UBE3C: variants seen among roughly 807,000 people sequenced by gnomAD.
The protein encoded by UBE3C is ubiquitin-protein ligase E3C.
UBE3C carries 42 observed loss-of-function variants against 129.4 expected under a neutral mutation model. That is an observed-to-expected ratio of 0.32 (90% CI 0.25 to 0.42). The LOEUF (loss-of-function observed/expected upper bound fraction) is 0.42. Among genes scored for constraint, UBE3C ranks in the 10% least tolerant of loss-of-function variants. The probability of loss-of-function intolerance (pLI) is 1.00; values close to 1 mark genes in which losing one functional copy is unlikely to be tolerated. For synonymous variants in UBE3C, 510 were observed against 492.4 expected (o/e 1.04, Z -0.47); for missense variants, 1,049 against 1,319.1 (o/e 0.80, Z 3.17).
Position 157,139,012 on chromosome 7 carries a change from C to G in UBE3C, c.-261C>G, listed in dbSNP as rs1285985331. On this transcript the variant is annotated 5_prime_UTR_variant, in exon 1 of 23. Coordinates refer to ENST00000348165, the MANE Select transcript of UBE3C (RefSeq NM_014671.3). ...CGGGTTTGCTGCCCGCTGGGCGCCCCTGCAGCGGCCCGAGCTGTGGCCGGC... is the reference window on the plus strand; with the variant it reads ...CGGGTTTGCTGCCCGCTGGGCGCCCGTGCAGCGGCCCGAGCTGTGGCCGGC... The G allele has an allele frequency of 1.3e-5, 2 of 153,960 alleles. No individual in the cohort carries two copies. Among genetic ancestry groups the G allele is most frequent in the East Asian group, 3.8e-4 (2 of 5,222 alleles). 9.5% of individuals were successfully genotyped at this position (153,960 alleles called of 1,614,324 possible). A position where few individuals can be genotyped will look rare whatever the true frequency, so the allele number is the denominator to read the frequency against.
rs371300314 is a variant in UBE3C at position 157,262,409 on chromosome 7, C to CTTTTTTTTT, written c.3082-5157_3082-5149dup. On this transcript the variant is annotated intron_variant, in intron 22 of 22. Coordinates refer to ENST00000348165, the MANE Select transcript of UBE3C (RefSeq NM_014671.3). ...AGAATCATGTAAGTCTCTTCATAGG[C>CTTTTTTTTT]TTTTTTTTTTTTTTTTTTTTTTTTT... Among the ~76,000 whole-genome samples, 151 of 54,036 alleles carry CTTTTTTTTT rather than the reference C, an allele frequency of 2.8e-3. 51 individuals are homozygous for CTTTTTTTTT. Among genetic ancestry groups the CTTTTTTTTT allele is most frequent in the African/African-American group, 7.6e-3 (102 of 13,438 alleles). The allele number at this position is 54,036 out of a possible 152,430, so 35.4% of individuals were successfully genotyped here.
At chr7:157,225,206 G>A (rs1795843398) in intron 16 of UBE3C, among the ~76,000 whole-genome samples, 1 of 151,984 alleles carries the variant, frequency 6.6e-6, no homozygotes, top group African/African-American at 2.4e-5. Context: ...CAAAGGAGCA[G>A]CTTTAGAAAT....
At chr7:157,254,343 A>T (rs1796690799) in intron 21 of UBE3C, 33 bp downstream of exon 21, 2 of 1,330,222 alleles carry the variant, frequency 1.5e-6, no homozygotes, top group East Asian at 5.4e-5. Flanking sequence ...TGTTTCTGAA[A>T]ATGTTGCAGG....
chr7:157,169,675 C>T (rs1264726146), intron 3 of UBE3C, among the ~76,000 whole-genome samples: 1 of 151,624 alleles, frequency 6.6e-6, no homozygotes, highest in African/African-American at 2.4e-5. Flanking sequence ...TGCGCCTGGC[C>T]TGTTTTTGTT....
Position 157,178,823 on chromosome 7 carries a change from A to T in UBE3C, c.592A>T (p.Ile198Phe). ...CTATGTGGTGTCAGTGATTGAACAA[A>T]TTTTGCACTACATGATTCACAATGG... is the stretch of plus-strand genomic sequence containing the variant. Reference protein sequence around the residue: ...ASYVVSVIEQILHYMIHNGYY... With the variant: ...ASYVVSVIEQFLHYMIHNGYY... The change falls in exon 6 of 23, where the codon ATT becomes TTT. Residue 198 changes from isoleucine to phenylalanine, a missense_variant. Physicochemically the swap from Ile to Phe is conservative, Grantham distance 21 (BLOSUM62 0). This residue lies in a region of UBE3C where 489 missense variants were observed against 513.8 expected (regional missense o/e 0.95). Coordinates refer to ENST00000348165, the MANE Select transcript of UBE3C (RefSeq NM_014671.3). 6.2e-7 allele frequency: 1 copy of T among 1,614,170 alleles called. No homozygotes were observed. The highest frequency in any genetic ancestry group is 8.5e-7 in the Non-Finnish European group (1 of 1,180,020).
chr7:157,245,841 A>T (rs1053465197), intron 18 of UBE3C, among the ~76,000 whole-genome samples: 1 of 152,066 alleles, frequency 6.6e-6, no homozygotes, highest in African/African-American at 2.4e-5. Context: ...AAATACAAAA[A>T]TTAGCTGGGC....
At position 157,207,529 on chromosome 7, in the gene UBE3C, A is replaced by G. The variant is rs1244596757; in HGVS notation, c.1550A>G (p.Asn517Ser). Residue 517 changes from asparagine to serine, a missense_variant, in exon 12 of 23, where the codon AAC becomes AGC. Around this residue, in one of 4 missense-constraint regions of UBE3C, gnomAD observed 314 missense variants for 416.9 expected, o/e 0.75. Transcript: ENST00000348165. Reference protein sequence around the residue: ...FSHSLISIHDNEFFGDPIEVV... With the variant: ...FSHSLISIHDSEFFGDPIEVV... ...CATTCACTAATTTCCATACATGATA[A>G]CGAATTCTTCGGTGATCCCATAGAA... The G allele has an allele frequency of 6.2e-7, 1 of 1,612,718 alleles. No homozygotes were observed.
intron 6 of UBE3C, among the ~76,000 whole-genome samples, chr7:157,181,210 T>C (rs1204025053): frequency 6.6e-6 from 1 of 152,232 alleles, no homozygotes; most frequent in African/African-American, 2.4e-5. Context: ...CTTCATTTAT[T>C]TTAGCTGTGA....
chr7:157,189,427 G>A (rs1206243429), intron 10 of UBE3C: 1 of 152,604 alleles, frequency 6.6e-6, no homozygotes, highest in African/African-American at 2.4e-5. Context: ...AAAAAATAAA[G>A]GCTCTACTGC....
chr7:157,230,822 T>C (rs2116636415), intron 17 of UBE3C, among the ~76,000 whole-genome samples: 1 of 151,572 alleles, frequency 6.6e-6, no homozygotes, highest in African/African-American at 2.4e-5. Flanking sequence ...TGCTGTAGAT[T>C]CTGGAGGACC....
chr7:157,206,775 A>T (rs553962709), intron 11 of UBE3C, among the ~76,000 whole-genome samples: 1 of 118,892 alleles, frequency 8.4e-6, no homozygotes, highest in South Asian at 2.5e-4. Flanking sequence ...TTAATATATC[A>T]TAGCTCTTGA....
rs541215672 is a variant in UBE3C at position 157,260,250 on chromosome 7, C to T, written c.3081+3206C>T. ...TAGAATGAGAGAAGCCTGAATGTTA[C>T]AACAGTGAGTGCGGAGAAACTGACG... On this transcript the variant is annotated intron_variant, in intron 22 of 22. Coordinates refer to ENST00000348165, the MANE Select transcript of UBE3C (RefSeq NM_014671.3). Among the ~76,000 whole-genome samples, 26 of 152,110 alleles carry T rather than the reference C, an allele frequency of 1.7e-4. 1 individual carries two copies. In the South Asian group the frequency reaches 5.4e-3, roughly 32 times the overall value.
chr7:157,156,731 C>T (rs368881805), intron 1 of UBE3C, among the ~76,000 whole-genome samples: 2 of 139,436 alleles, frequency 1.4e-5, no homozygotes, highest in Non-Finnish European at 3.1e-5. Context: ...AAAAAAAAAA[C>T]ACAAGCTAGA....
chr7:157,201,081 T>G (rs1246323944), intron 10 of UBE3C, among the ~76,000 whole-genome samples: 1 of 152,054 alleles, frequency 6.6e-6, no homozygotes, highest in Admixed American at 6.6e-5. Flanking sequence ...CCCAGCACTT[T>G]GGGATGCTGA....
At chr7:157,256,785 C>T (rs745621632) in intron 21 of UBE3C, 129 bp from the exon 22 acceptor site, 14 of 1,203,742 alleles carry the variant, frequency 1.2e-5, no homozygotes, top group African/African-American at 1.1e-4. Context: ...ACACATGCCA[C>T]GCCGTTTTAG....
At chr7:157,250,766 A>G (rs1385252607) in intron 19 of UBE3C, among the ~76,000 whole-genome samples, 2 of 152,232 alleles carry the variant, frequency 1.3e-5, no homozygotes, top group South Asian at 2.1e-4. Context: ...AGTACTCGAC[A>G]TCCAGTGATG....
intron 14 of UBE3C, 72 bp from the exon 15 acceptor site, chr7:157,220,617 T>C: frequency 1.3e-6 from 2 of 1,565,952 alleles, no homozygotes; most frequent in East Asian, 2.3e-5. Context: ...GCACCAATTC[T>C]GTTCAAGTGT....
In UBE3C at chr7:157,192,619, C is replaced by G. The variant is rs1586677408; in HGVS notation, c.1331+5598C>G. 17 of 765,062 alleles carry G rather than the reference C, an allele frequency of 2.2e-5. No individual in the cohort carries two copies. The East Asian group carries it at 4.1e-4, about 19-fold the overall frequency. 47.4% of individuals were successfully genotyped at this position (765,062 alleles called of 1,614,324 possible). A position where few individuals can be genotyped will look rare whatever the true frequency, so the allele number is the denominator to read the frequency against. ...GCTAAGAAAAGGAAGGAGTCTTACC[C>G]CACTCCCAAGAAGAATAAGCGCAAG... is the stretch of plus-strand genomic sequence containing the variant. On this transcript the variant is annotated intron_variant, in intron 10 of 22. Coordinates refer to ENST00000348165, the MANE Select transcript of UBE3C (RefSeq NM_014671.3).
At chr7:157,216,100 C>T (rs1049669879) in intron 13 of UBE3C, among the ~76,000 whole-genome samples, 1 of 152,148 alleles carries the variant, frequency 6.6e-6, no homozygotes, top group African/African-American at 2.4e-5. Context: ...GGAGATCAGA[C>T]TCGATTTTTC....
Sources: gnomAD v4.1 joint callset for allele counts (sites outside exome capture counted in the v4.1 genomes callset) on GRCh38, gnomAD v4.1.1 for gene constraint, gnomAD v4.1.1 regional missense constraint, MANE v1.5 for transcripts, NCBI Gene and HGNC (gene_info 2026-07-23, HGNC 2026-07-21) for gene names.